The following ASAP1 variants were observed in gnomAD, a reference collection of about 807,000 sequenced individuals.
ASAP1 encodes arf-GAP with SH3 domain, ANK repeat and PH domain-containing protein 1.
A neutral mutation model predicts 145.2 loss-of-function variants in ASAP1; 43 were observed. The ratio of observed to expected loss-of-function variants is 0.30; its 90% confidence interval spans 0.23 to 0.38. The LOEUF is 0.38. ASAP1 is among the 10% of genes least tolerant of loss of function. The pLI, the probability that ASAP1 is intolerant of heterozygous loss-of-function variation, is 1.00. For synonymous variants in ASAP1, 546 were observed against 515.5 expected, an observed-to-expected ratio of 1.06 and a Z score of -0.80; for missense variants, 1,018 against 1,355.3, an observed-to-expected ratio of 0.75 and a Z score of 3.91.
chr8:130,072,824 T>TGTGTGTGTGTGTGTGTGCGCGCGC lies in ASAP1; in HGVS notation c.2701+3523_2701+3524insGCGCGCGCACACACACACACACAC. ...GTGTGTGTGTGTGTGTGTGTGTGTG[T>TGTGTGTGTGTGTGTGTGCGCGCGC]GCGCGCGGGGGGGGGCAGTTTTGGG... is the stretch of plus-strand genomic sequence containing the variant. On this transcript the variant is annotated intron_variant, in intron 27 of 29. Transcript: ENST00000518721. Among the ~76,000 whole-genome samples the TGTGTGTGTGTGTGTGTGCGCGCGC allele has an allele frequency of 5.6e-4, 18 of 32,298 alleles. 1 individual carries two copies. Among genetic ancestry groups the TGTGTGTGTGTGTGTGTGCGCGCGC allele is most frequent in the South Asian group, 5.1e-3 (3 of 588 alleles). 21.2% of individuals were successfully genotyped at this position (32,298 alleles called of 152,430 possible). A position where few individuals can be genotyped will look rare whatever the true frequency, so the allele number is the denominator to read the frequency against.
At chr8:130,252,753 T>C (rs1449253618) in intron 3 of ASAP1, among the ~76,000 whole-genome samples, 1 of 152,132 alleles carries the variant, frequency 6.6e-6, no homozygotes, top group African/African-American at 2.4e-5. Flanking sequence ...TTCAGTCCCA[T>C]TCTTGGGAAA....
rs1391489176 is a variant in ASAP1, at chr8:130,118,204, C to T, written c.1837G>A (p.Asp613Asn). 2 of 1,613,950 alleles carry T rather than the reference C, an allele frequency of 1.2e-6. No homozygotes were observed. The highest frequency in any genetic ancestry group is 1.7e-5 in the Admixed American group (1 of 60,014). Residue 613 changes from aspartate (D) to asparagine (N), a missense_variant, in exon 20 of 30, where the codon GAT (aspartate) becomes AAT (asparagine). Around this residue, in one of 9 missense-constraint regions of ASAP1, gnomAD observed 353 missense variants for 375.4 expected, o/e 0.94. Transcript: ENST00000518721. ...TALHLAVRTA[D>N]QTSLHLVDFL... ...TCAACCAAATGGAGAGATGTCTGATCTGCAGTTCGGACGGCAAGGTGAAGG... is the reference window on the plus strand; with the variant it reads ...TCAACCAAATGGAGAGATGTCTGATTTGCAGTTCGGACGGCAAGGTGAAGG...
rs2097397373 is a variant in ASAP1 at position 130,053,523 on chromosome 8, G to GCCAC, written c.*1207_*1208insGTGG. ...TTGGTTATGAATTGACTTGAAGGTGGACAGAGCTTAAGACTGGAAAAATTA... is the reference window on the plus strand; with the variant it reads ...TTGGTTATGAATTGACTTGAAGGTGGCCACACAGAGCTTAAGACTGGAAAAATTA... On this transcript the variant is annotated 3_prime_UTR_variant, in exon 30 of 30. Coordinates refer to ENST00000518721, the MANE Select transcript of ASAP1 (RefSeq NM_018482.4). 6.6e-6 allele frequency: 1 copy of GCCAC among 152,222 alleles called. No homozygotes were observed. Among genetic ancestry groups the GCCAC allele is most frequent in the Non-Finnish European group, 1.5e-5 (1 of 68,038 alleles). 9.4% of individuals were successfully genotyped at this position (152,222 alleles called of 1,614,324 possible). A position where few individuals can be genotyped will look rare whatever the true frequency, so the allele number is the denominator to read the frequency against.
At chr8:130,135,206 C>A (rs1461812690) in intron 14 of ASAP1, among the ~76,000 whole-genome samples, 1 of 152,194 alleles carries the variant, frequency 6.6e-6, no homozygotes, top group Non-Finnish European at 1.5e-5. Flanking sequence ...AAAGAACATA[C>A]CATGCTTAAT....
At chr8:130,270,330 T>A (rs1820513207) in intron 3 of ASAP1, among the ~76,000 whole-genome samples, 1 of 152,244 alleles carries the variant, frequency 6.6e-6, no homozygotes, top group African/African-American at 2.4e-5. Context: ...CCCATTAACA[T>A]ACATTGTGAC....
At chr8:130,134,154 T>A (rs988092707) in intron 15 of ASAP1, 142 bp downstream of exon 15, 1 of 557,850 alleles carries the variant, frequency 1.8e-6, no homozygotes, top group African/African-American at 2.0e-5. Flanking sequence ...AAGAGCAACA[T>A]GTGATGGCCC....
intron 23 of ASAP1, among the ~76,000 whole-genome samples, chr8:130,112,793 G>A (rs1293924053): frequency 1.3e-5 from 2 of 152,048 alleles, no homozygotes; most frequent in African/African-American, 4.8e-5. Flanking sequence ...CCCACTGCCC[G>A]CTACACAATA....
intron 4 of ASAP1, among the ~76,000 whole-genome samples, chr8:130,236,499 C>T (rs1818222381): frequency 6.6e-6 from 1 of 151,982 alleles, no homozygotes; most frequent in Non-Finnish European, 1.5e-5. Context: ...AACTTTGCCC[C>T]CTCCTCTCTA....
At chr8:130,364,174 A>G (rs545816278) in intron 2 of ASAP1, among the ~76,000 whole-genome samples, 1 of 152,238 alleles carries the variant, frequency 6.6e-6, no homozygotes, top group African/African-American at 2.4e-5. Context: ...GTTTGGAGAC[A>G]AAAAACTACT....
chr8:130,204,164 T>C (rs1816051951), intron 5 of ASAP1, among the ~76,000 whole-genome samples: 1 of 152,096 alleles, frequency 6.6e-6, no homozygotes, highest in Admixed American at 6.5e-5. Flanking sequence ...AGCATCAGAC[T>C]CTCATAGGAG....
chr8:130,114,844 A>G (rs1445024191), intron 23 of ASAP1, among the ~76,000 whole-genome samples: 4 of 149,038 alleles, frequency 2.7e-5, no homozygotes, highest in Non-Finnish European at 5.9e-5. Context: ...GTACAATCAT[A>G]GCTCACTGCA....
intron 3 of ASAP1, among the ~76,000 whole-genome samples, chr8:130,240,235 C>T (rs1001896680): frequency 3.3e-5 from 5 of 152,066 alleles, no homozygotes; most frequent in Admixed American, 2.6e-4. Flanking sequence ...AGTTCATCTA[C>T]TTACTTTTAA....
intron 9 of ASAP1, among the ~76,000 whole-genome samples, chr8:130,174,701 T>G (rs1813833326): frequency 6.6e-6 from 1 of 152,192 alleles, no homozygotes; most frequent in African/African-American, 2.4e-5. Context: ...CTCTATAAAA[T>G]CTTCTAAACA....
At chr8:130,442,926 G>A (rs1433659815) in intron 1 of ASAP1, among the ~76,000 whole-genome samples, 6 of 152,138 alleles carry the variant, frequency 3.9e-5, no homozygotes, top group Non-Finnish European at 5.9e-5. Flanking sequence ...CAAGCTCCAA[G>A]TAGGACTCCC....
At chr8:130,325,920 T>C (rs1234400707) in intron 3 of ASAP1, among the ~76,000 whole-genome samples, 1 of 152,212 alleles carries the variant, frequency 6.6e-6, no homozygotes, top group Admixed American at 6.5e-5. Flanking sequence ...GGTGGTAAGT[T>C]ATGCACCTTA....
intron 27 of ASAP1, among the ~76,000 whole-genome samples, chr8:130,063,351 A>G (rs1019770643): frequency 6.6e-5 from 10 of 152,016 alleles, no homozygotes; most frequent in Non-Finnish European, 1.5e-4. Context: ...CTAATTTTTA[A>G]TTTTTTAGTA....
intron 4 of ASAP1, among the ~76,000 whole-genome samples, chr8:130,222,528 C>T (rs1317445100): frequency 6.6e-6 from 1 of 152,108 alleles, no homozygotes; most frequent in Non-Finnish European, 1.5e-5. Context: ...TATCCTTCTC[C>T]ACTGACACAC....
chr8:130,171,895 T>C (rs961123842), intron 9 of ASAP1, among the ~76,000 whole-genome samples: 4 of 152,202 alleles, frequency 2.6e-5, no homozygotes, highest in Admixed American at 1.3e-4. Flanking sequence ...AAGTTAATCA[T>C]AGCAAAATCT....
At chr8:130,384,736 C>T (rs1280312633) in intron 2 of ASAP1, among the ~76,000 whole-genome samples, 1 of 152,160 alleles carries the variant, frequency 6.6e-6, no homozygotes, top group Non-Finnish European at 1.5e-5. Flanking sequence ...CTGATAGTGT[C>T]TTTTATTATC....
Sources: allele counts gnomAD v4.1 joint callset (sites outside exome capture counted in the v4.1 genomes callset), GRCh38; gene constraint gnomAD v4.1.1; regional missense constraint gnomAD v4.1.1; transcripts MANE v1.5; gene names NCBI Gene and HGNC (gene_info 2026-07-23, HGNC 2026-07-21).